ATXN7L1: variants seen among roughly 807,000 people sequenced by gnomAD.
The protein encoded by ATXN7L1 is ataxin 7 like 1, also known as ataxin-7-like protein 1.
ATXN7L1 carries 15 observed loss-of-function variants against 70.8 expected under a neutral mutation model. That is an observed-to-expected ratio of 0.21 (90% CI 0.14 to 0.33). ATXN7L1 has a LOEUF of 0.33. Ranked by LOEUF, ATXN7L1 falls within the 10% of genes least tolerant of loss-of-function variation. The probability of loss-of-function intolerance (pLI) is 1.00; values close to 1 mark genes in which losing one functional copy is unlikely to be tolerated. For missense variants in ATXN7L1, 975 were observed against 1,097.1 expected (o/e 0.89, Z 1.57); for synonymous variants, 440 against 445.1 (o/e 0.99, Z 0.14).
At chr7:105,685,704 G>C (rs1432382817) in intron 3 of ATXN7L1, among the ~76,000 whole-genome samples, 1 of 152,192 alleles carries the variant, frequency 6.6e-6, no homozygotes, top group Non-Finnish European at 1.5e-5. Context: ...AGGGCCGTGA[G>C]AGTTACTTTT....
chr7:105,606,288 T>C lies in ATXN7L1; in HGVS notation c.*1564A>G, dbSNP rs1792763840. On this transcript the variant is annotated 3_prime_UTR_variant, in exon 12 of 12. Coordinates refer to ENST00000419735, the MANE Select transcript of ATXN7L1 (RefSeq NM_020725.2). ...CTCACTGTCAGTGCAATTCCATTGATGAAAATCACTCCATTTGCCTCCCGT... is the reference window on the plus strand; with the variant it reads ...CTCACTGTCAGTGCAATTCCATTGACGAAAATCACTCCATTTGCCTCCCGT... The C allele has an allele frequency of 6.6e-6, 1 of 152,234 alleles. No individual in the cohort carries two copies. Among genetic ancestry groups the C allele is most frequent in the African/African-American group, 2.4e-5 (1 of 41,462 alleles). The allele number at this position is 152,234 out of a possible 1,614,324, so 9.4% of individuals were successfully genotyped here.
At chr7:105,681,115 A>G (rs886074590) in intron 3 of ATXN7L1, among the ~76,000 whole-genome samples, 8 of 152,234 alleles carry the variant, frequency 5.3e-5, no homozygotes, top group African/African-American at 1.9e-4. Flanking sequence ...AAAAACAGGC[A>G]GGTTCAATCT....
At chr7:105,630,333 A>G (rs2115849428) in intron 7 of ATXN7L1, among the ~76,000 whole-genome samples, 1 of 152,360 alleles carries the variant, frequency 6.6e-6, no homozygotes, top group East Asian at 1.9e-4. Context: ...GAACAATGAG[A>G]TCAGCAGAAA....
intron 3 of ATXN7L1, among the ~76,000 whole-genome samples, chr7:105,774,093 G>A (rs1802395584): frequency 6.6e-6 from 1 of 152,096 alleles, no homozygotes; most frequent in Non-Finnish European, 1.5e-5. Context: ...AGCAGCTAAG[G>A]CAAAGGTTGG....
intron 2 of ATXN7L1, among the ~76,000 whole-genome samples, chr7:105,833,450 A>T (rs1811924130): frequency 2.0e-5 from 3 of 152,228 alleles, no homozygotes; most frequent in Admixed American, 2.0e-4. Context: ...GAGCAAATAG[A>T]TGTACTCACA....
chr7:105,609,978 G>A (rs1444566187), intron 11 of ATXN7L1, among the ~76,000 whole-genome samples: 2 of 151,728 alleles, frequency 1.3e-5, no homozygotes, highest in African/African-American at 4.8e-5. Flanking sequence ...TCACTATATT[G>A]GCCAGGCTGG....
chr7:105,689,540 G>T (rs1020936969), intron 3 of ATXN7L1, among the ~76,000 whole-genome samples: 5 of 152,124 alleles, frequency 3.3e-5, no homozygotes, highest in Non-Finnish European at 7.3e-5. Flanking sequence ...ACAGCTGGGG[G>T]CAGCCCCCAT....
rs144329191 is a variant in ATXN7L1 at position 105,865,057 on chromosome 7, C to A, written c.250+10755G>T. Among the ~76,000 whole-genome samples, 140 of 152,318 alleles carry A rather than the reference C, an allele frequency of 9.2e-4. 1 individual carries two copies. The highest frequency in any genetic ancestry group is 3.2e-3 in the African/African-American group (133 of 41,572). ...CAAAAGATGCCTGGTGAGCCCCGGGCATCCCCCGGAGCAGTAAGAACGCAG... is the reference window on the plus strand; with the variant it reads ...CAAAAGATGCCTGGTGAGCCCCGGGAATCCCCCGGAGCAGTAAGAACGCAG... On this transcript the variant is annotated intron_variant, in intron 2 of 11. Coordinates refer to ENST00000419735, the MANE Select transcript of ATXN7L1 (RefSeq NM_020725.2).
At chr7:105,667,698 C>CAAAA (rs397890100) in intron 3 of ATXN7L1, among the ~76,000 whole-genome samples, 2 of 47,064 alleles carry the variant, frequency 4.2e-5, no homozygotes, top group African/African-American at 1.6e-4. Context: ...GACTCCGTCT[C>CAAAA]AAAAAAAAAA....
In ATXN7L1 at chr7:105,827,889, C is replaced by A. The variant is rs138463092; in HGVS notation, c.251-39181G>T. The stretch of plus-strand genomic sequence containing the variant: ...CCTATAATCAGAAACACTAATATTT[C>A]TGCAGTGAAACATAGGAATAATCAC... On this transcript the variant is annotated intron_variant, in intron 2 of 11. Coordinates refer to ENST00000419735, the MANE Select transcript of ATXN7L1 (RefSeq NM_020725.2). 3.3e-5 allele frequency among the ~76,000 whole-genome samples: 5 copies of A among 152,276 alleles called. No homozygotes were observed. In the East Asian group the frequency reaches 9.6e-4, roughly 29 times the overall value.
intron 9 of ATXN7L1, chr7:105,617,902 A>C (rs1413851332): frequency 2.2e-6 from 1 of 456,446 alleles, no homozygotes; most frequent in South Asian, 1.5e-5. Flanking sequence ...CCACGCCCCC[A>C]TCGGCTGCCA....
At chr7:105,762,094 C>T (rs1800631476) in intron 3 of ATXN7L1, among the ~76,000 whole-genome samples, 2 of 152,198 alleles carry the variant, frequency 1.3e-5, no homozygotes, top group Admixed American at 1.3e-4. Flanking sequence ...CTCTGTGCAA[C>T]CCAGGAGCTG....
intron 3 of ATXN7L1, among the ~76,000 whole-genome samples, chr7:105,779,024 A>G (rs1803167089): frequency 6.6e-6 from 1 of 152,242 alleles, no homozygotes; most frequent in African/African-American, 2.4e-5. Flanking sequence ...TTTACTTTTC[A>G]GCATCCTACA....
At chr7:105,756,085 C>T (rs1219298091) in intron 3 of ATXN7L1, among the ~76,000 whole-genome samples, 1 of 152,132 alleles carries the variant, frequency 6.6e-6, no homozygotes, top group Non-Finnish European at 1.5e-5. Flanking sequence ...TTTTGCATGC[C>T]TTTTAAACTT....
intron 3 of ATXN7L1, among the ~76,000 whole-genome samples, chr7:105,704,028 C>T (rs1488631322): frequency 7.2e-6 from 1 of 138,556 alleles, no homozygotes; most frequent in Non-Finnish European, 1.6e-5. Context: ...GAGAAGCTGA[C>T]CCTCACCACA....
intron 3 of ATXN7L1, chr7:105,760,927 G>C (rs1800452644): frequency 6.0e-6 from 1 of 166,950 alleles, no homozygotes; most frequent in Admixed American, 6.5e-5. Flanking sequence ...CACAGGATGT[G>C]GCCCAGACCA....
intron 7 of ATXN7L1, among the ~76,000 whole-genome samples, chr7:105,624,677 A>G (rs1795441981): frequency 1.3e-5 from 2 of 148,234 alleles, no homozygotes; most frequent in Admixed American, 6.7e-5. Flanking sequence ...CAGCCTGATT[A>G]GCCTTGCCAG....
chr7:105,695,401 G>A (rs183477249), intron 3 of ATXN7L1, among the ~76,000 whole-genome samples: 98 of 152,322 alleles, frequency 6.4e-4, no homozygotes, highest in African/African-American at 2.0e-3. Flanking sequence ...AACACAGAAG[G>A]GTTCCTTTCC....
At chr7:105,735,280 C>A (rs1030345962) in intron 3 of ATXN7L1, among the ~76,000 whole-genome samples, 1 of 151,848 alleles carries the variant, frequency 6.6e-6, no homozygotes, top group Non-Finnish European at 1.5e-5. Context: ...CCACAAGAAG[C>A]GTATCTACAC....
Sources: allele counts gnomAD v4.1 joint callset (sites outside exome capture counted in the v4.1 genomes callset), GRCh38; gene constraint gnomAD v4.1.1; transcripts MANE v1.5; gene names NCBI Gene and HGNC (gene_info 2026-07-23, HGNC 2026-07-21).